Variants in AFAP1L1 observed in about 807,000 individuals in gnomAD.
The protein encoded by AFAP1L1 is actin filament associated protein 1 like 1, also known as actin filament-associated protein 1-like 1.
A neutral mutation model predicts 99.8 loss-of-function variants in AFAP1L1; 77 were observed. The observed-to-expected ratio is 0.77, with a 90% confidence interval of 0.64 to 0.93. AFAP1L1 has a LOEUF of 0.93. Ranked by LOEUF, AFAP1L1 falls within the 40% of genes least tolerant of loss-of-function variation. The pLI, the probability that AFAP1L1 is intolerant of heterozygous loss-of-function variation, is 0.00. For missense variants in AFAP1L1, 893 were observed against 996.8 expected, an observed-to-expected ratio of 0.90 and a Z score of 1.40; for synonymous variants, 373 against 395.3, an observed-to-expected ratio of 0.94 and a Z score of 0.67.
At position 149,301,289 on chromosome 5, in the gene AFAP1L1, G is replaced by A. The variant is rs1305753728; in HGVS notation, c.327+59G>A. The A allele has an allele frequency of 2.6e-6, 4 of 1,544,532 alleles. 1 individual carries two copies. In the East Asian group the frequency reaches 6.8e-5, roughly 26 times the overall value. ...CCTCTGTCCCTCTGGAGGAGGCAAG[G>A]GAAGCTCTCCCCTTCCCACTGGGTG... On this transcript the variant is annotated intron_variant, in intron 4 of 18. Transcript: ENST00000296721.
In AFAP1L1 at chr5:149,335,597, A is replaced by G; in HGVS notation, c.2158A>G (p.Thr720Ala). ...AATTATTTATTGCCATCAACAGGAA[A>G]CTGCAAATAAACCCCAGAACAGCGT... Reference protein sequence around the residue: ...SVSSKPKSGETANKPQNSVPE... With the variant: ...SVSSKPKSGEAANKPQNSVPE... The change falls in exon 18 of 19, where the codon ACT (threonine) becomes GCT (alanine). Residue 720 changes from threonine to alanine, a missense_variant. Physicochemically the swap from Thr to Ala is moderately conservative, Grantham distance 58. Transcript: ENST00000296721. The G allele has an allele frequency of 6.2e-7, 1 of 1,612,204 alleles. No homozygotes were observed. The highest frequency in any genetic ancestry group is 8.5e-7 in the Non-Finnish European group (1 of 1,179,958).
chr5:149,293,190 C>T (rs922514771), intron 1 of AFAP1L1, among the ~76,000 whole-genome samples: 1 of 152,248 alleles, frequency 6.6e-6, no homozygotes, highest in African/African-American at 2.4e-5. Flanking sequence ...GAGCACCATA[C>T]ACATCAGTTC....
chr5:149,309,671 C>T (rs761105403), intron 7 of AFAP1L1, among the ~76,000 whole-genome samples: 3 of 152,166 alleles, frequency 2.0e-5, no homozygotes, highest in Non-Finnish European at 2.9e-5. Context: ...CATTTCTTCT[C>T]TGGTTCTTTA....
chr5:149,294,856 G>A (rs551989955), intron 1 of AFAP1L1, among the ~76,000 whole-genome samples: 2 of 152,306 alleles, frequency 1.3e-5, no homozygotes, highest in South Asian at 4.1e-4. Context: ...CTGCTGCACT[G>A]AGCTGGGCTG....
intron 16 of AFAP1L1, among the ~76,000 whole-genome samples, chr5:149,330,886 G>A (rs1757236196): frequency 6.6e-6 from 1 of 151,958 alleles, no homozygotes; most frequent in South Asian, 2.1e-4. Flanking sequence ...TATATCTAGG[G>A]CCAAGGACAA....
intron 11 of AFAP1L1, 113 bp from the exon 12 acceptor site, chr5:149,317,614 AAG>A (rs1756831942): frequency 6.6e-6 from 7 of 1,065,058 alleles, no homozygotes; most frequent in South Asian, 3.2e-5. Context: ...TCACAGGGGA[AAG>A]AGAGCTGACC....
chr5:149,277,531 A>C (rs996349685), intron 1 of AFAP1L1, among the ~76,000 whole-genome samples: 1 of 152,212 alleles, frequency 6.6e-6, no homozygotes, highest in African/African-American at 2.4e-5. Context: ...CCATGCAGAC[A>C]TACCTCTTCC....
At chr5:149,313,601 C>T (rs1455062205) in intron 9 of AFAP1L1, among the ~76,000 whole-genome samples, 1 of 152,082 alleles carries the variant, frequency 6.6e-6, no homozygotes, top group East Asian at 1.9e-4. Flanking sequence ...GACACATATC[C>T]GGGGCACCCC....
intron 1 of AFAP1L1, among the ~76,000 whole-genome samples, chr5:149,273,818 A>C (rs1424873883): frequency 2.6e-4 from 15 of 56,720 alleles, no homozygotes; most frequent in South Asian, 1.1e-3. Flanking sequence ...CACCACCCCC[A>C]CTCCCCACCA....
chr5:149,320,598 T>C lies in AFAP1L1; in HGVS notation c.1698+135T>C. ...CAGTAGCTAGAAGGGGAGCCCCTTC[T>C]TATCATAGAGCATGGCTCAGGATGA... On this transcript the variant is annotated intron_variant, in intron 14 of 18. Coordinates refer to ENST00000296721, the MANE Select transcript of AFAP1L1 (RefSeq NM_152406.4). The surrounding 1 kb of genome is among the most constrained non-coding windows in gnomAD (Gnocchi z 4.0). 8 of 791,998 alleles carry C rather than the reference T, an allele frequency of 1.0e-5. 1 individual carries two copies. The South Asian group carries it at 1.0e-4, about 10-fold the overall frequency. 49.1% of individuals were successfully genotyped at this position (791,998 alleles called of 1,614,324 possible).
chr5:149,289,229 T>A (rs1380762798), intron 1 of AFAP1L1, among the ~76,000 whole-genome samples: 2 of 152,170 alleles, frequency 1.3e-5, no homozygotes, highest in African/African-American at 4.8e-5. Flanking sequence ...TCCCACTATT[T>A]TTTGCCTTCT....
At chr5:149,313,972 C>A (rs1054131770) in intron 9 of AFAP1L1, among the ~76,000 whole-genome samples, 2 of 152,210 alleles carry the variant, frequency 1.3e-5, no homozygotes, top group Non-Finnish European at 2.9e-5. Context: ...AGCCCACCAG[C>A]CTATTAGAGT....
At chr5:149,302,309 C>A in intron 4 of AFAP1L1, 109 bp from the exon 5 acceptor site, 1 of 679,670 alleles carries the variant, frequency 1.5e-6, no homozygotes, top group Non-Finnish European at 2.4e-6. Flanking sequence ...GGTATGGCTT[C>A]ACATTCACAC....
intron 4 of AFAP1L1, among the ~76,000 whole-genome samples, chr5:149,301,499 A>G (rs1004408044): frequency 2.6e-5 from 4 of 152,018 alleles, no homozygotes; most frequent in African/African-American, 9.7e-5. Flanking sequence ...TGTGCTGAGC[A>G]GGGAGAATGT....
chr5:149,307,719 CTG>C (rs1230330429), intron 7 of AFAP1L1, 106 bp downstream of exon 7: 5 of 1,235,210 alleles, frequency 4.0e-6, no homozygotes, highest in Non-Finnish European at 5.7e-6. Context: ...CCTGGATTGA[CTG>C]TGTGCACAGA....
intron 18 of AFAP1L1, among the ~76,000 whole-genome samples, chr5:149,336,989 AC>A (rs1757423861): frequency 6.6e-6 from 1 of 152,240 alleles, no homozygotes; most frequent in African/African-American, 2.4e-5. Flanking sequence ...GACTGGAAAG[AC>A]AGTTTGATAT....
chr5:149,296,268 A>G (rs773285141), intron 1 of AFAP1L1, among the ~76,000 whole-genome samples: 22 of 152,240 alleles, frequency 1.4e-4, no homozygotes, highest in Non-Finnish European at 2.5e-4. Context: ...TCCTGAGCTC[A>G]AGTGATTCGC....
rs1316101914 is a variant in AFAP1L1 at position 149,307,520 on chromosome 5, G to A, written c.654G>A (p.Val218=). 1.2e-6 allele frequency: 2 copies of A among 1,614,150 alleles called. No homozygotes were observed. The highest frequency in any genetic ancestry group is 8.5e-7 in the Non-Finnish European group (1 of 1,180,030). ...WPSEEASMHL[V]RECRICAFLL... Reference sequence around the variant, plus strand: ...CAGAGGAGGCCTCCATGCACCTGGTGAGGGAATGCAGGATATGTGCCTTCC... The same window carrying A: ...CAGAGGAGGCCTCCATGCACCTGGTAAGGGAATGCAGGATATGTGCCTTCC... The change falls in exon 7 of 19, where the codon GTG becomes GTA. Residue 218 remains valine, a synonymous_variant. Coordinates refer to ENST00000296721, the MANE Select transcript of AFAP1L1 (RefSeq NM_152406.4).
chr5:149,322,743 C>T, intron 15 of AFAP1L1, 26 bp downstream of exon 15: 3 of 1,537,000 alleles, frequency 2.0e-6, no homozygotes, highest in Non-Finnish European at 2.7e-6. Flanking sequence ...GCCTCCCCTG[C>T]TGACTAGGGA....
Sources: gnomAD v4.1 joint callset for allele counts (sites outside exome capture counted in the v4.1 genomes callset) on GRCh38, gnomAD v4.1.1 for gene constraint, Gnocchi (gnomAD v3.1) non-coding constraint, MANE v1.5 for transcripts, NCBI Gene and HGNC (gene_info 2026-07-23, HGNC 2026-07-21) for gene names.